Variants in USP3 observed in about 807,000 individuals in gnomAD.
USP3 encodes ubiquitin carboxyl-terminal hydrolase 3.
Under a neutral mutation model 72.3 loss-of-function variants are expected in USP3, and 20 were observed. The ratio of observed to expected loss-of-function variants is 0.28; its 90% CI spans 0.19 to 0.40. The LOEUF (loss-of-function observed/expected upper bound fraction) is 0.40. USP3 is among the 10% of genes least tolerant of loss of function. The probability of loss-of-function intolerance (pLI) is 1.00; values close to 1 mark genes in which losing one functional copy is unlikely to be tolerated. For synonymous variants in USP3, 222 were observed against 225.3 expected (o/e 0.99, Z 0.13); for missense variants, 479 against 633.9 (o/e 0.76, Z 2.62).
chr15:63,577,606 G>A (rs1306510799), intron 11 of USP3, among the ~76,000 whole-genome samples: 1 of 152,124 alleles, frequency 6.6e-6, no homozygotes, highest in Non-Finnish European at 1.5e-5. Flanking sequence ...ACAAAAATTA[G>A]CTGGGCATGG....
intron 2 of USP3, chr15:63,533,926 T>TTA: frequency 9.2e-7 from 1 of 1,083,748 alleles, no homozygotes; most frequent in South Asian, 2.0e-5. Flanking sequence ...GAGGTGAGAA[T>TTA]TATAATGCAA....
intron 3 of USP3, among the ~76,000 whole-genome samples, chr15:63,538,145 T>G (rs1247027405): frequency 6.6e-6 from 1 of 152,230 alleles, no homozygotes; most frequent in Non-Finnish European, 1.5e-5. Flanking sequence ...GAGTGATGCT[T>G]AATGATCCAT....
In USP3 at chr15:63,593,208, G is replaced by A. The variant is rs941832482; in HGVS notation, c.*2382G>A. 4.6e-5 allele frequency: 7 copies of A among 152,226 alleles called. No individual in the cohort carries two copies. Among genetic ancestry groups the A allele is most frequent in the African/African-American group, 1.7e-4 (7 of 41,456 alleles). 9.4% of individuals were successfully genotyped at this position (152,226 alleles called of 1,614,324 possible). On this transcript the variant is annotated 3_prime_UTR_variant, in exon 15 of 15. Transcript: ENST00000380324. ...ATGCTAAATTATATTAGGTTAAACT[G>A]TATGAAACCCTGCTATTTGATGAGT... is the stretch of plus-strand genomic sequence containing the variant.
At chr15:63,589,696 T>C (rs1478817822) in intron 14 of USP3, among the ~76,000 whole-genome samples, 1 of 152,170 alleles carries the variant, frequency 6.6e-6, no homozygotes, top group Non-Finnish European at 1.5e-5. Flanking sequence ...CTCTATACTG[T>C]AGGTCTGAAA....
intron 3 of USP3, among the ~76,000 whole-genome samples, chr15:63,547,761 GGAGA>G (rs1180675814): frequency 0.024 from 108 of 4,438 alleles, 3 homozygotes; most frequent in African/African-American, 0.058. Context: ...AGGGAGGGAG[GGAGA>G]GAGAGAGAGA....
rs563272076 is a variant in USP3 at position 63,544,969 on chromosome 15, A to G, written c.284+7813A>G. ...AGGAAATAACCAAAGTATAGAAAAG[A>G]ATGTTCTTTGAAATGAAGAGAAAAA... On this transcript the variant is annotated intron_variant, in intron 3 of 14. Coordinates refer to ENST00000380324, the MANE Select transcript of USP3 (RefSeq NM_006537.4). This position sits in a 1 kb window ranked among gnomAD's most constrained non-coding sequence, Gnocchi z 4.2. Among the ~76,000 whole-genome samples, 4 of 152,334 alleles carry G rather than the reference A, an allele frequency of 2.6e-5. No homozygotes were observed. The highest frequency in any genetic ancestry group is 1.3e-4 in the Admixed American group (2 of 15,308).
intron 5 of USP3, among the ~76,000 whole-genome samples, chr15:63,557,176 T>A (rs2066525284): frequency 1.3e-5 from 2 of 152,358 alleles, no homozygotes; most frequent in South Asian, 4.1e-4. Flanking sequence ...GCTGAAGTGA[T>A]TCTCCTGCCA....
intron 14 of USP3, 166 bp downstream of exon 14, chr15:63,589,177 G>C (rs1452892050): frequency 2.9e-6 from 2 of 695,180 alleles, no homozygotes; most frequent in African/African-American, 3.6e-5. Context: ...AGATGATGTT[G>C]TGAAGGCTTA....
chr15:63,590,990 T>G lies in USP3; in HGVS notation c.*164T>G. On this transcript the variant is annotated 3_prime_UTR_variant, in exon 15 of 15. Coordinates refer to ENST00000380324, the MANE Select transcript of USP3 (RefSeq NM_006537.4). ...TTACTGAACATGGGCACCAACTAAT[T>G]TTGTTGTTGTTCTACCAGAAAACCT... The G allele has an allele frequency of 1.2e-6, 1 of 806,726 alleles. No individual in the cohort carries two copies. The highest frequency in any genetic ancestry group is 3.4e-5 in the South Asian group (1 of 29,244). The allele number at this position is 806,726 out of a possible 1,614,324, so 50.0% of individuals were successfully genotyped here.
At chr15:63,579,301 G>A (rs997271082) in intron 11 of USP3, among the ~76,000 whole-genome samples, 1 of 152,080 alleles carries the variant, frequency 6.6e-6, no homozygotes, top group Non-Finnish European at 1.5e-5. Context: ...TCCTCTGTAC[G>A]CAGAAATTCT....
At chr15:63,515,082 A>G (rs1042606725) in intron 1 of USP3, among the ~76,000 whole-genome samples, 1 of 152,178 alleles carries the variant, frequency 6.6e-6, no homozygotes, top group Non-Finnish European at 1.5e-5. Flanking sequence ...AAAATGGCCC[A>G]TTTTGACTCT....
chr15:63,558,034 C>T, intron 5 of USP3, 72 bp from the exon 6 acceptor site: 1 of 1,544,340 alleles, frequency 6.5e-7, no homozygotes. Flanking sequence ...GAGGCCTTTC[C>T]TTAGCTTTGA....
At chr15:63,515,397 T>C (rs1001374845) in intron 1 of USP3, 1 of 152,192 alleles carries the variant, frequency 6.6e-6, no homozygotes, top group African/African-American at 2.4e-5. Flanking sequence ...AAAAATAGAG[T>C]AAAATGCTAC....
rs2067181424 is a variant in USP3, at chr15:63,590,712, C to T, written c.1449C>T (p.Phe483=). The change falls in exon 15 of 15, where the codon TTC becomes TTT. Residue 483 remains phenylalanine (F), a synonymous_variant. Transcript: ENST00000380324. ...ACGCAACTCACGAAGGCCGCTGGTT[C>T]CACTTCAATGACAGTACTGTAACAC... ...TAYATHEGRW[F]HFNDSTVTLT... is the part of the protein sequence containing the mutation. 1 of 1,613,708 alleles carries T rather than the reference C, an allele frequency of 6.2e-7. No individual in the cohort carries two copies. Among genetic ancestry groups the T allele is most frequent in the African/African-American group, 1.3e-5 (1 of 74,908 alleles).
chr15:63,521,110 CAA>C (rs952024538), intron 1 of USP3, among the ~76,000 whole-genome samples: 1 of 148,880 alleles, frequency 6.7e-6, no homozygotes, highest in Non-Finnish European at 1.5e-5. Context: ...TTTTCCCTCA[CAA>C]AAGATAGCAA....
At chr15:63,526,649 C>T (rs949720620) in intron 1 of USP3, among the ~76,000 whole-genome samples, 3 of 152,170 alleles carry the variant, frequency 2.0e-5, no homozygotes, top group African/African-American at 4.8e-5. Context: ...AGTGATTCCA[C>T]ATACTTCCCA....
chr15:63,571,966 G>GCA (rs1189925551), intron 9 of USP3, among the ~76,000 whole-genome samples: 3 of 152,114 alleles, frequency 2.0e-5, no homozygotes, highest in Admixed American at 2.0e-4. Context: ...GTTGACTTGT[G>GCA]CACACACACA....
chr15:63,550,164 C>G (rs1216243118), intron 3 of USP3, among the ~76,000 whole-genome samples: 1 of 152,178 alleles, frequency 6.6e-6, no homozygotes, highest in Non-Finnish European at 1.5e-5. Context: ...GAACTACAGG[C>G]GTGTGCCACC....
In USP3 at chr15:63,556,696, AAAG is replaced by A; in HGVS notation, c.401_403del (p.Arg134del). 6.2e-7 allele frequency: 1 copy of A among 1,609,072 alleles called. No individual in the cohort carries two copies. Among genetic ancestry groups the A allele is most frequent in the Non-Finnish European group, 8.5e-7 (1 of 1,177,982 alleles). The stretch of plus-strand genomic sequence containing the variant: ...GCTTTCACAGCTGACAGGCATAAGA[AAAG>A]AAAACTTTTGGAAAACTCAACACTA... On this transcript the variant is annotated inframe_deletion, in exon 5 of 15. Transcript: ENST00000380324.
Sources: gnomAD v4.1 joint callset for allele counts (sites outside exome capture counted in the v4.1 genomes callset) on GRCh38, gnomAD v4.1.1 for gene constraint, Gnocchi (gnomAD v3.1) non-coding constraint, MANE v1.5 for transcripts, NCBI Gene and HGNC (gene_info 2026-07-23, HGNC 2026-07-21) for gene names.